The following COL5A2 variants were observed in gnomAD, a reference collection of about 807,000 sequenced individuals.
COL5A2 encodes collagen type V alpha 2 chain, also known as collagen alpha-2(V) chain.
A neutral mutation model predicts 208.2 loss-of-function variants in COL5A2; 23 were observed. The observed-to-expected ratio is 0.11, with a 90% CI of 0.08 to 0.16. The LOEUF is 0.16. Ranked by LOEUF, COL5A2 falls within the 10% of genes least tolerant of loss-of-function variation. The probability of loss-of-function intolerance (pLI) is 1.00; values close to 1 mark genes in which losing one functional copy is unlikely to be tolerated. For missense variants in COL5A2, 1,590 were observed against 1,956.4 expected (o/e 0.81, Z 3.53); for synonymous variants, 625 against 628.5 (o/e 0.99, Z 0.08).
At chr2:189,191,163 C>CCAAAAAAAAAAAAAAAAAAAAAA (rs748055610) in intron 1 of COL5A2, among the ~76,000 whole-genome samples, 53 of 72,234 alleles carry the variant, frequency 7.3e-4, no homozygotes, top group Non-Finnish European at 1.5e-3. Flanking sequence ...AAAAAACAAA[C>CCAAAAAAAAAAAAAAAAAAAAAA]AAACAACAAA....
chr2:189,377,674 A>C, the COL5A2 span, among the ~76,000 whole-genome samples: 3 of 152,164 alleles, frequency 2.0e-5, no homozygotes, highest in Non-Finnish European at 4.4e-5. Flanking sequence ...AGATCCACCA[A>C]AAGTGACAAT....
At chr2:189,079,231 T>C (rs1342259018) in intron 14 of COL5A2, 124 bp from the exon 15 acceptor site, 20 of 770,080 alleles carry the variant, frequency 2.6e-5, no homozygotes, top group South Asian at 4.7e-5. Flanking sequence ...ACTTTTGATA[T>C]AGGATCTCAG....
the COL5A2 span, among the ~76,000 whole-genome samples, chr2:189,329,266 A>G: frequency 6.6e-6 from 1 of 152,228 alleles, no homozygotes; most frequent in Non-Finnish European, 1.5e-5. Context: ...TATGGAATCT[A>G]AGAATGTCTA....
At chr2:189,057,462 A>G (rs1357866438) in intron 33 of COL5A2, 35 bp from the exon 34 acceptor site, 1 of 1,459,858 alleles carries the variant, frequency 6.8e-7, no homozygotes, top group East Asian at 2.3e-5. Context: ...CCATACCAAT[A>G]ATATTAAGAT....
intron 41 of COL5A2, 124 bp downstream of exon 41, chr2:189,052,048 A>G: frequency 5.4e-6 from 4 of 745,526 alleles, no homozygotes. Flanking sequence ...TTATTGGAAT[A>G]AGAGTTGTTA....
the COL5A2 span, among the ~76,000 whole-genome samples, chr2:189,420,771 C>G: frequency 1.3e-5 from 2 of 152,114 alleles, no homozygotes; most frequent in Admixed American, 6.6e-5. Context: ...TTCCCATCCT[C>G]CATCAGCCCC....
At chr2:189,405,231 CTTTT>C in the COL5A2 span, among the ~76,000 whole-genome samples, 84,866 of 150,612 alleles carry the variant, frequency 0.56, 25,609 homozygotes, top group East Asian at 0.69. Flanking sequence ...AATTAAATGC[CTTTT>C]TTTTCTTTTT....
In COL5A2 at chr2:189,031,985, C is replaced by G; in HGVS notation, c.*2085G>C. ...AGTTGGAAATTGTTAGTGTTTGTGA[C>G]TTAATAGTATTACCACATATTTCTG... On this transcript the variant is annotated 3_prime_UTR_variant, in exon 54 of 54. Coordinates refer to ENST00000374866, the MANE Select transcript of COL5A2 (RefSeq NM_000393.5). 6.6e-6 allele frequency: 1 copy of G among 152,004 alleles called. No individual in the cohort carries two copies. The highest frequency in any genetic ancestry group is 2.4e-5 in the African/African-American group (1 of 41,414). The allele number at this position is 152,004 out of a possible 1,614,324, so 9.4% of individuals were successfully genotyped here. A position where few individuals can be genotyped will look rare whatever the true frequency, so the allele number is the denominator to read the frequency against.
chr2:189,078,637 C>A, intron 15 of COL5A2, 68 bp from the exon 16 acceptor site: 1 of 1,189,132 alleles, frequency 8.4e-7, no homozygotes, highest in East Asian at 2.3e-5. Flanking sequence ...TCTGACTACC[C>A]CACTCAATCC....
intron 1 of COL5A2, among the ~76,000 whole-genome samples, chr2:189,119,960 T>C (rs1687468027): frequency 6.6e-6 from 1 of 152,088 alleles, no homozygotes; most frequent in Admixed American, 6.5e-5. Context: ...AGCCTTTACT[T>C]TTGCAGATAA....
chr2:189,061,832 A>T (rs780635435), intron 29 of COL5A2, among the ~76,000 whole-genome samples: 16 of 152,192 alleles, frequency 1.1e-4, no homozygotes, highest in Non-Finnish European at 1.6e-4. Context: ...GTAACTGATA[A>T]CATGTATTTA....
the COL5A2 span, among the ~76,000 whole-genome samples, chr2:189,384,485 T>A: frequency 6.6e-6 from 1 of 152,180 alleles, no homozygotes; most frequent in East Asian, 1.9e-4. Context: ...GTAGTTTTGA[T>A]GTGCACTTCT....
the COL5A2 span, among the ~76,000 whole-genome samples, chr2:189,242,599 T>A: frequency 6.6e-6 from 1 of 150,576 alleles, no homozygotes; most frequent in African/African-American, 2.5e-5. Context: ...TAACTCAAGT[T>A]TTGCTTCCTT....
chr2:189,097,677 C>T, intron 5 of COL5A2: 2 of 495,694 alleles, frequency 4.0e-6, no homozygotes, highest in Non-Finnish European at 7.9e-6. Flanking sequence ...ACTCTGAGCA[C>T]AAAAACTTAC....
the COL5A2 span, among the ~76,000 whole-genome samples, chr2:189,378,215 A>G: frequency 7.2e-5 from 11 of 152,178 alleles, no homozygotes; most frequent in Non-Finnish European, 1.6e-4. Context: ...AACTGTTTAC[A>G]TTAAGGATAT....
chr2:189,426,433 C>G, the COL5A2 span, among the ~76,000 whole-genome samples: 1 of 152,174 alleles, frequency 6.6e-6, no homozygotes, highest in African/African-American at 2.4e-5. Context: ...ACCTGGAAGC[C>G]CCCTCCCTGC....
chr2:189,123,145 GT>G lies in COL5A2; in HGVS notation c.98-12697del, dbSNP rs1687541460. Among the ~76,000 whole-genome samples, 3 of 152,008 alleles carry G rather than the reference GT, an allele frequency of 2.0e-5. No homozygotes were observed. The South Asian group carries it at 6.2e-4, about 32-fold the overall frequency. On this transcript the variant is annotated intron_variant, in intron 1 of 53. Coordinates refer to ENST00000374866, the MANE Select transcript of COL5A2 (RefSeq NM_000393.5). ...ACGCCAAGCTAATTTTGTATTTTTA[GT>G]AGAGACAAGGTTTCACCACGTTGGT... is the stretch of plus-strand genomic sequence containing the variant.
the COL5A2 span, among the ~76,000 whole-genome samples, chr2:189,231,633 C>G: frequency 6.6e-6 from 1 of 151,542 alleles, no homozygotes; most frequent in Admixed American, 6.6e-5. Context: ...TTATGATCAT[C>G]TGGTAACTTA....
At chr2:189,302,268 A>G in the COL5A2 span, among the ~76,000 whole-genome samples, 1 of 152,158 alleles carries the variant, frequency 6.6e-6, no homozygotes, top group South Asian at 2.1e-4. Flanking sequence ...GTCCACTAGC[A>G]TTTAAAACTC....
Sources: allele counts gnomAD v4.1 joint callset (sites outside exome capture counted in the v4.1 genomes callset), GRCh38; gene constraint gnomAD v4.1.1; transcripts MANE v1.5; gene names NCBI Gene and HGNC (gene_info 2026-07-23, HGNC 2026-07-21).